The following HNRNPUL2 variants were observed in gnomAD, a reference collection of about 807,000 sequenced individuals.
HNRNPUL2 encodes the protein heterogeneous nuclear ribonucleoprotein U-like protein 2.
A neutral mutation model predicts 102.2 loss-of-function variants in HNRNPUL2; 27 were observed. That is an observed-to-expected ratio of 0.26 (90% CI 0.19 to 0.36). HNRNPUL2 has a LOEUF of 0.36. Among genes scored for constraint, HNRNPUL2 ranks in the 10% least tolerant of loss-of-function variants. The probability of loss-of-function intolerance (pLI) is 1.00; values close to 1 mark genes in which losing one functional copy is unlikely to be tolerated. For synonymous variants in HNRNPUL2, 458 were observed against 387.2 expected, an observed-to-expected ratio of 1.18 and a Z score of -2.15; for missense variants, 936 against 981.1, an observed-to-expected ratio of 0.95 and a Z score of 0.61.
chr11:62,717,492 G>C (rs1291528339), intron 10 of HNRNPUL2, among the ~76,000 whole-genome samples: 1 of 152,228 alleles, frequency 6.6e-6, no homozygotes, highest in Admixed American at 6.5e-5. Context: ...CAGGTAACCA[G>C]AGGCTAAAAG....
At position 62,726,894 on chromosome 11, in the gene HNRNPUL2, G is replaced by A. The variant is rs771954062; in HGVS notation, c.263C>T (p.Ala88Val). Residue 88 changes from alanine (A) to valine (V), a missense_variant, in exon 1 of 14, where the codon GCG (alanine) becomes GTG (valine). Coordinates refer to ENST00000301785, the MANE Select transcript of HNRNPUL2 (RefSeq NM_001079559.3). ...CTCCTCGTCCTCGTCCTCAAGCAGC[G>A]CCTCCTCGTCCTCCTCCTCCTCCTC... Reference protein sequence around the residue: ...DEEEEEEDEEALLEDEDEEPP... With the variant: ...DEEEEEEDEEVLLEDEDEEPP... The A allele has an allele frequency of 4.5e-6, 7 of 1,566,262 alleles. No individual in the cohort carries two copies. The East Asian group carries it at 7.2e-5, about 16-fold the overall frequency.
In HNRNPUL2 at chr11:62,726,758, C is replaced by T. The variant is rs537667685; in HGVS notation, c.399G>A (p.Glu133=). ...TTACCCCGCCTGACCCGGCCGTGGCCTCCGCCGGCTTCTCGGAAGCATCTG... is the reference window on the plus strand; with the variant it reads ...TTACCCCGCCTGACCCGGCCGTGGCTTCCGCCGGCTTCTCGGAAGCATCTG... ...AEPDASEKPA[E]ATAGSGGVNG... is the part of the protein sequence containing the mutation. The change falls in exon 1 of 14, where the codon GAG becomes GAA. Residue 133 remains glutamate, a synonymous_variant. Transcript: ENST00000301785. 1.2e-6 allele frequency: 2 copies of T among 1,601,072 alleles called. No homozygotes were observed. The highest frequency in any genetic ancestry group is 8.5e-7 in the Non-Finnish European group (1 of 1,179,594).
At chr11:62,720,779 G>C (rs2083695720) in intron 9 of HNRNPUL2, among the ~76,000 whole-genome samples, 2 of 142,820 alleles carry the variant, frequency 1.4e-5, no homozygotes, top group South Asian at 4.6e-4. Flanking sequence ...CAGGAAAATA[G>C]CATGAACCTA....
chr11:62,716,318 A>G (rs1391440125), intron 11 of HNRNPUL2, among the ~76,000 whole-genome samples: 1 of 152,228 alleles, frequency 6.6e-6, no homozygotes, highest in Admixed American at 6.5e-5. Context: ...TTTATGCAAA[A>G]GAAACAAAGT....
chr11:62,726,032 T>G (rs1230655772), intron 1 of HNRNPUL2, among the ~76,000 whole-genome samples: 1 of 152,158 alleles, frequency 6.6e-6, no homozygotes, highest in Non-Finnish European at 1.5e-5. Flanking sequence ...TGAACTAGAT[T>G]AAGATTTTTC....
In HNRNPUL2 at chr11:62,712,797, A is replaced by G. The variant is rs913427420; in HGVS notation, c.*2502T>C. 1.3e-5 allele frequency: 2 copies of G among 152,182 alleles called. No individual in the cohort carries two copies. The highest frequency in any genetic ancestry group is 2.4e-5 in the African/African-American group (1 of 41,450). The allele number at this position is 152,182 out of a possible 1,614,324, so 9.4% of individuals were successfully genotyped here. ...AAACCCCTTTTTACTGGCCACTTCCAAGAATGCTTTACAGGTTGTGCAAAA... is the reference window on the plus strand; with the variant it reads ...AAACCCCTTTTTACTGGCCACTTCCGAGAATGCTTTACAGGTTGTGCAAAA... On this transcript the variant is annotated 3_prime_UTR_variant, in exon 14 of 14. Coordinates refer to ENST00000301785, the MANE Select transcript of HNRNPUL2 (RefSeq NM_001079559.3).
rs1245542261 is a variant in HNRNPUL2 at position 62,726,851 on chromosome 11, G to A, written c.306C>T (p.Ala102=). 8 of 1,587,064 alleles carry A rather than the reference G, an allele frequency of 5.0e-6. No homozygotes were observed. The highest frequency in any genetic ancestry group is 2.3e-5 in the East Asian group (1 of 44,072). Residue 102 remains alanine, a synonymous_variant, in exon 1 of 14, where the codon GCC becomes GCT. Transcript: ENST00000301785. ...GCGGCGGCTGCGCGGCCTGACCCAA[G>A]GCTTGAGCAGGGGGTGGCTCCTCGT... ...DEDEEPPPAQ[A]LGQAAQPPPE...
At chr11:62,715,812 C>T (rs772443171) in intron 12 of HNRNPUL2, 52 bp downstream of exon 12, 1 of 1,542,324 alleles carries the variant, frequency 6.5e-7, no homozygotes, top group Non-Finnish European at 9.0e-7. Context: ...CCCAAGCCAA[C>T]AGAATGGCTC....
chr11:62,720,113 G>C lies in HNRNPUL2; in HGVS notation c.1690C>G (p.Pro564Ala). ...TFSRKVVVVV[P>A]NEEDWKKRLE... Reference sequence around the variant, plus strand: ...CTCTTCTTCCAATCTTCCTCATTAGGGACAACCACCACCACTTTCCGAGAG... The same window carrying C: ...CTCTTCTTCCAATCTTCCTCATTAGCGACAACCACCACCACTTTCCGAGAG... The change falls in exon 10 of 14, where the codon CCT (proline) becomes GCT (alanine). Residue 564 changes from proline to alanine, a missense_variant. This residue lies in a region of HNRNPUL2 where 609 missense variants were observed against 713.0 expected (regional missense o/e 0.85). Transcript: ENST00000301785. 1 of 1,613,990 alleles carries C rather than the reference G, an allele frequency of 6.2e-7. No individual in the cohort carries two copies. The highest frequency in any genetic ancestry group is 8.5e-7 in the Non-Finnish European group (1 of 1,179,954).
intron 9 of HNRNPUL2, among the ~76,000 whole-genome samples, 160 bp downstream of exon 9, chr11:62,721,135 T>C (rs1411952534): frequency 6.6e-6 from 1 of 152,104 alleles, no homozygotes; most frequent in East Asian, 1.9e-4. Context: ...TATTTTCAAG[T>C]AAAAACACTA....
intron 4 of HNRNPUL2, among the ~76,000 whole-genome samples, chr11:62,723,134 G>A (rs1402833840): frequency 1.3e-5 from 2 of 152,168 alleles, no homozygotes; most frequent in Admixed American, 6.5e-5. Context: ...AAGCCTGATT[G>A]GACAGAAGTC....
Position 62,721,351 on chromosome 11 carries a change from G to A in HNRNPUL2, c.1555C>T (p.Leu519Phe). ...GAAGCAATCTGGACCAGCTTACTAA[G>A]GCACTGGGAGGCTTGCTGAACTAAA... The part of the protein sequence containing the change: ...DLLVQQASQC[L>F]SKLVQIASRT... The change falls in exon 9 of 14, where the codon CTT (leucine) becomes TTT (phenylalanine). Residue 519 changes from leucine to phenylalanine, a missense_variant. By Grantham distance (22) the Leu-to-Phe change is conservative. Transcript: ENST00000301785. 6.2e-7 allele frequency: 1 copy of A among 1,610,604 alleles called. No individual in the cohort carries two copies. The highest frequency in any genetic ancestry group is 8.5e-7 in the Non-Finnish European group (1 of 1,178,886).
At position 62,717,166 on chromosome 11, in the gene HNRNPUL2, A is replaced by T; in HGVS notation, c.1804T>A (p.Cys602Ser). ...TATGTCACCTCATCCATATAGTCGCATTTTTCAGGCAAAGAGAAGTTGGCT... is the reference window on the plus strand; with the variant it reads ...TATGTCACCTCATCCATATAGTCGCTTTTTTCAGGCAAAGAGAAGTTGGCT... ...MKANFSLPEK[C>S]DYMDEVTYGE... is the part of the protein sequence containing the mutation. The change falls in exon 11 of 14, where the codon TGC becomes AGC. Residue 602 changes from cysteine to serine, a missense_variant. Cys to Ser is a moderately radical substitution (Grantham distance 112). Around this residue, in one of 2 missense-constraint regions of HNRNPUL2, gnomAD observed 609 missense variants for 713.0 expected, o/e 0.85. Coordinates refer to ENST00000301785, the MANE Select transcript of HNRNPUL2 (RefSeq NM_001079559.3). 1 of 1,613,968 alleles carries T rather than the reference A, an allele frequency of 6.2e-7. No individual in the cohort carries two copies. Among genetic ancestry groups the T allele is most frequent in the Non-Finnish European group, 8.5e-7 (1 of 1,180,002 alleles).
At chr11:62,719,959 A>T (rs2083687791) in intron 10 of HNRNPUL2, 64 bp downstream of exon 10, 1 of 1,453,250 alleles carries the variant, frequency 6.9e-7, no homozygotes, top group Admixed American at 1.7e-5. Flanking sequence ...AACCTCTATT[A>T]CTTACAAATT....
At chr11:62,719,217 A>G (rs2083682566) in intron 10 of HNRNPUL2, among the ~76,000 whole-genome samples, 1 of 152,234 alleles carries the variant, frequency 6.6e-6, no homozygotes, top group Admixed American at 6.5e-5. Flanking sequence ...TAGGAGACCA[A>G]GGCGGGCAAA....
At chr11:62,724,595 T>C (rs1443283767) in intron 1 of HNRNPUL2, among the ~76,000 whole-genome samples, 169 bp from the exon 2 acceptor site, 1 of 152,166 alleles carries the variant, frequency 6.6e-6, no homozygotes. Context: ...CTTTCTGTCA[T>C]TGGCTGTGAT....
chr11:62,726,899 C>A lies in HNRNPUL2; in HGVS notation c.258G>T (p.Glu86Asp), dbSNP rs777654153. 9.0e-6 allele frequency: 14 copies of A among 1,560,150 alleles called. No homozygotes were observed. Among genetic ancestry groups the A allele is most frequent in the South Asian group, 2.3e-5 (2 of 86,362 alleles). ...EEDEEEEEED[E>D]EALLEDEDEE... ...CGTCCTCGTCCTCAAGCAGCGCCTC[C>A]TCGTCCTCCTCCTCCTCCTCTTCGT... Residue 86 changes from glutamate (E) to aspartate (D), a missense_variant, in exon 1 of 14, where the codon GAG becomes GAT. Transcript: ENST00000301785.
chr11:62,724,053 T>C, intron 2 of HNRNPUL2, 63 bp from the exon 3 acceptor site: 1 of 1,354,802 alleles, frequency 7.4e-7, no homozygotes, highest in South Asian at 1.2e-5. Context: ...GAGGGGTGTG[T>C]GTGTATGACA....
chr11:62,721,822 T>G lies in HNRNPUL2; in HGVS notation c.1480A>C (p.Arg494=), dbSNP rs968788032. The G allele has an allele frequency of 2.6e-5, 42 of 1,614,004 alleles. No homozygotes were observed. The highest frequency in any genetic ancestry group is 3.4e-5 in the Non-Finnish European group (40 of 1,179,986). The change falls in exon 8 of 14, where the codon AGG becomes CGG. Residue 494 remains arginine, a splice_region_variant and synonymous_variant. Transcript: ENST00000301785. ...LGAETVLNQM[R]MKGLEEPEMD... ...ACAAATCCCCAACAGCAACTTACCC[T>G]CATTTGATTGAGCACAGTCTCAGCT...
Sources: gnomAD v4.1 joint callset for allele counts (sites outside exome capture counted in the v4.1 genomes callset) on GRCh38, gnomAD v4.1.1 for gene constraint, gnomAD v4.1.1 regional missense constraint, MANE v1.5 for transcripts, NCBI Gene and HGNC (gene_info 2026-07-23, HGNC 2026-07-21) for gene names.